The following NOX4 variants were observed in gnomAD, a reference collection of about 807,000 sequenced individuals.
NOX4 encodes kidney oxidase-1.
NOX4 carries 69 observed loss-of-function variants against 87.6 expected under a neutral mutation model. The ratio of observed to expected loss-of-function variants is 0.79; its 90% CI spans 0.65 to 0.96. The LOEUF is 0.96. NOX4 is among the 40% of genes least tolerant of loss of function. NOX4 has a pLI of 0.00. For synonymous variants in NOX4, 275 were observed against 238.2 expected (o/e 1.15, Z -1.42); for missense variants, 680 against 681.5 (o/e 1.00, Z 0.02).
At chr11:89,441,496 G>A (rs1011906863) in intron 5 of NOX4, among the ~76,000 whole-genome samples, 9 of 152,120 alleles carry the variant, frequency 5.9e-5, no homozygotes, top group African/African-American at 1.2e-4. Flanking sequence ...AGAAGGAAAC[G>A]ATTGATATAG....
intron 8 of NOX4, among the ~76,000 whole-genome samples, chr11:89,403,113 C>T: frequency 6.6e-6 from 1 of 152,056 alleles, no homozygotes; most frequent in East Asian, 1.9e-4. Context: ...TCAATTTCTC[C>T]ATAGACAGAA....
At chr11:89,411,178 A>G in intron 8 of NOX4, among the ~76,000 whole-genome samples, 1 of 152,124 alleles carries the variant, frequency 6.6e-6, no homozygotes, top group Non-Finnish European at 1.5e-5. Context: ...AAGATTAATC[A>G]TCTTCTGACT....
intron 17 of NOX4, among the ~76,000 whole-genome samples, chr11:89,328,904 G>C (rs972701009): frequency 2.6e-5 from 4 of 151,988 alleles, no homozygotes; most frequent in Non-Finnish European, 5.9e-5. Flanking sequence ...CAAGAACATA[G>C]CCATCTGCAA....
intron 8 of NOX4, among the ~76,000 whole-genome samples, chr11:89,405,421 C>A (rs1247646890): frequency 6.6e-6 from 1 of 152,062 alleles, no homozygotes; most frequent in African/African-American, 2.4e-5. Context: ...CCCATTAAAA[C>A]TGTCCTTACT....
chr11:89,444,230 C>A lies in NOX4; in HGVS notation c.352G>T (p.Val118Leu), dbSNP rs768559870. The part of the protein sequence containing the change: ...CGVTICIFSG[V>L]HVAAHLVNAL... ...TTCACCAGATGGGCAGCCACATGCACGCCTACAGAATTACACCAGGGGTAA... is the reference window on the plus strand; with the variant it reads ...TTCACCAGATGGGCAGCCACATGCAAGCCTACAGAATTACACCAGGGGTAA... The change falls in exon 5 of 18, where the codon GTG (valine) becomes TTG (leucine). Residue 118 changes from valine (V) to leucine (L), a missense_variant and splice_region_variant. Physicochemically the swap from Val to Leu is conservative, Grantham distance 32. Transcript: ENST00000263317. The A allele has an allele frequency of 6.2e-7, 1 of 1,612,868 alleles. No homozygotes were observed. The highest frequency in any genetic ancestry group is 8.5e-7 in the Non-Finnish European group (1 of 1,179,154).
the NOX4 span, among the ~76,000 whole-genome samples, chr11:89,576,055 A>G: frequency 2.6e-5 from 4 of 152,342 alleles, no homozygotes; most frequent in Admixed American, 2.6e-4. Context: ...ACATGATCCA[A>G]GCTGAACAAA....
At position 89,441,525 on chromosome 11, in the gene NOX4, G is replaced by A. The variant is rs180716082; in HGVS notation, c.448-810C>T. On this transcript the variant is annotated intron_variant, in intron 5 of 17. Coordinates refer to ENST00000263317, the MANE Select transcript of NOX4 (RefSeq NM_016931.5). ...GATATAGTGTCATCTGGGGGTCTTT[G>A]AATAAGGACCACTTGCTTAGGAATA... Among the ~76,000 whole-genome samples, 8 of 152,256 alleles carry A rather than the reference G, an allele frequency of 5.3e-5. No homozygotes were observed. The East Asian group carries it at 1.5e-3, about 29-fold the overall frequency.
the NOX4 span, among the ~76,000 whole-genome samples, chr11:89,554,951 A>G: frequency 3.3e-5 from 5 of 152,280 alleles, no homozygotes; most frequent in South Asian, 1.0e-3. Flanking sequence ...AAATAATTTG[A>G]TGAGAAATAC....
the NOX4 span, among the ~76,000 whole-genome samples, chr11:89,510,209 A>G: frequency 6.6e-6 from 1 of 152,218 alleles, no homozygotes; most frequent in East Asian, 1.9e-4. Context: ...GCTCATTCAG[A>G]TCTTACAGAG....
At chr11:89,561,960 G>A in the NOX4 span, among the ~76,000 whole-genome samples, 1 of 152,072 alleles carries the variant, frequency 6.6e-6, no homozygotes, top group Admixed American at 6.6e-5. Context: ...AGATGTTTGA[G>A]GAAAGTACAT....
intron 13 of NOX4, among the ~76,000 whole-genome samples, chr11:89,352,491 AT>A (rs2134965139): frequency 6.6e-6 from 1 of 152,294 alleles, no homozygotes; most frequent in South Asian, 2.1e-4. Flanking sequence ...GATCTGGGCA[AT>A]GTAAATTTAA....
chr11:89,399,531 A>G (rs2135175212), intron 11 of NOX4, among the ~76,000 whole-genome samples: 1 of 144,746 alleles, frequency 6.9e-6, no homozygotes, highest in Non-Finnish European at 1.5e-5. Context: ...TGGTGGGATC[A>G]AGGCTCAATG....
the NOX4 span, among the ~76,000 whole-genome samples, chr11:89,511,918 T>C: frequency 6.6e-6 from 1 of 152,096 alleles, no homozygotes; most frequent in African/African-American, 2.4e-5. Flanking sequence ...ATAAACATAT[T>C]GAAGAAACAC....
intron 5 of NOX4, among the ~76,000 whole-genome samples, chr11:89,441,511 A>G (rs1289101311): frequency 2.0e-5 from 3 of 152,290 alleles, no homozygotes; most frequent in Non-Finnish European, 2.9e-5. Context: ...ATATAGTGTC[A>G]TCTGGGGGTC....
chr11:89,366,975 G>T (rs1441364652), intron 12 of NOX4, among the ~76,000 whole-genome samples: 2 of 152,092 alleles, frequency 1.3e-5, no homozygotes, highest in Non-Finnish European at 2.9e-5. Context: ...CACTTAAATT[G>T]TAGTACACAT....
At chr11:89,421,218 G>T (rs751445907) in intron 8 of NOX4, among the ~76,000 whole-genome samples, 2 of 152,148 alleles carry the variant, frequency 1.3e-5, no homozygotes, top group Non-Finnish European at 1.5e-5. Context: ...TCACGCCAAA[G>T]CCATCAAGTT....
At chr11:89,407,730 CCTA>C (rs1942264835) in intron 8 of NOX4, among the ~76,000 whole-genome samples, 4 of 152,048 alleles carry the variant, frequency 2.6e-5, no homozygotes, top group Admixed American at 1.3e-4. Context: ...TTAAATGAAT[CCTA>C]CTAAGTAATA....
intron 17 of NOX4, among the ~76,000 whole-genome samples, chr11:89,328,359 G>C (rs910151762): frequency 1.3e-5 from 2 of 152,092 alleles, no homozygotes; most frequent in Non-Finnish European, 2.9e-5. Flanking sequence ...TAAATACAGG[G>C]CAATGGGTTG....
chr11:89,410,606 T>G (rs1050654263), intron 8 of NOX4, among the ~76,000 whole-genome samples: 7 of 152,146 alleles, frequency 4.6e-5, no homozygotes, highest in Non-Finnish European at 1.0e-4. Flanking sequence ...GAGAACTCAG[T>G]GTTGCCCTGT....
Sources: allele counts gnomAD v4.1 joint callset (sites outside exome capture counted in the v4.1 genomes callset), GRCh38; gene constraint gnomAD v4.1.1; transcripts MANE v1.5; gene names NCBI Gene and HGNC (gene_info 2026-07-23, HGNC 2026-07-21).